Variants in EXOSC5 observed in about 807,000 individuals in gnomAD.
EXOSC5 encodes the protein exosome component 5.
A neutral mutation model predicts 23.7 loss-of-function variants in EXOSC5; 15 were observed. That is an observed-to-expected ratio of 0.63 (90% CI 0.42 to 0.97). EXOSC5 has a LOEUF of 0.97. EXOSC5 is among the 50% of genes least tolerant of loss of function. EXOSC5 has a pLI of 0.00. For synonymous variants in EXOSC5, 143 were observed against 140.9 expected, an observed-to-expected ratio of 1.02 and a Z score of -0.11; for missense variants, 305 against 316.3, an observed-to-expected ratio of 0.96 and a Z score of 0.27.
intron 1 of EXOSC5, among the ~76,000 whole-genome samples, chr19:41,395,792 A>G (rs1170158812): frequency 6.6e-6 from 1 of 151,724 alleles, no homozygotes; most frequent in African/African-American, 2.4e-5. Flanking sequence ...TTCCATCTAC[A>G]CTCACTTCGT....
rs1373728686 is a variant in EXOSC5, at chr19:41,393,478, G to A, written c.149-498C>T. Among the ~76,000 whole-genome samples the A allele has an allele frequency of 9.2e-5, 14 of 151,938 alleles. No individual in the cohort carries two copies. In the East Asian group the frequency reaches 2.7e-3, roughly 29 times the overall value. On this transcript the variant is annotated intron_variant, in intron 1 of 5. Coordinates refer to ENST00000221233, the MANE Select transcript of EXOSC5 (RefSeq NM_020158.4). ...GGGGATTTTGCCATGTTGCTCAGGC[G>A]GGTTTCGAACTCCTGGGCAACTGTA...
rs746514345 is a variant in EXOSC5, at chr19:41,386,705, C to G, written c.636G>C (p.Ala212=). ...AGACGTGTTGCGAAGCGGCCTGGGC[C>G]GCAGCCAGGCACTGCTGGAGCTGCG... ...SDTELQQCLA[A]AQAASQHVFR... The change falls in exon 6 of 6, where the codon GCG becomes GCC. Residue 212 remains alanine, a synonymous_variant. Coordinates refer to ENST00000221233, the MANE Select transcript of EXOSC5 (RefSeq NM_020158.4). 6.3e-7 allele frequency: 1 copy of G among 1,598,808 alleles called. No individual in the cohort carries two copies. The highest frequency in any genetic ancestry group is 1.7e-5 in the Admixed American group (1 of 58,020).
intron 2 of EXOSC5, among the ~76,000 whole-genome samples, chr19:41,392,634 G>A (rs892321297): frequency 6.6e-6 from 1 of 151,766 alleles, no homozygotes; most frequent in Non-Finnish European, 1.5e-5. Context: ...CAGGTTAATG[G>A]AATGAATGAG....
chr19:41,389,656 T>C lies in EXOSC5; in HGVS notation c.525+109A>G, dbSNP rs527797663. On this transcript the variant is annotated intron_variant, in intron 4 of 5. Coordinates refer to ENST00000221233, the MANE Select transcript of EXOSC5 (RefSeq NM_020158.4). ...GATGATTAGAGCAGCCCTTGCTAAG[T>C]GGGATTGAGGTGGCATGAGCCGACT... The C allele has an allele frequency of 1.1e-5, 16 of 1,444,610 alleles. No individual in the cohort carries two copies. The South Asian group carries it at 2.2e-4, about 20-fold the overall frequency. The allele number at this position is 1,444,610 out of a possible 1,614,324, so 89.5% of individuals were successfully genotyped here.
At chr19:41,392,803 AG>A (rs2039033457) in intron 2 of EXOSC5, 63 bp downstream of exon 2, 7 of 1,476,458 alleles carry the variant, frequency 4.7e-6, no homozygotes, top group Non-Finnish European at 6.6e-6. Context: ...GCTGGTAGGG[AG>A]GAGCTGGGGG....
At chr19:41,389,415 G>A (rs527947859) in intron 4 of EXOSC5, among the ~76,000 whole-genome samples, 29 of 152,050 alleles carry the variant, frequency 1.9e-4, no homozygotes, top group Admixed American at 4.6e-4. Context: ...ACAGGCGTGC[G>A]CCACCACACC....
Position 41,386,378 on chromosome 19 carries a change from A to T in EXOSC5, c.*255T>A. The T allele has an allele frequency of 2.2e-6, 1 of 457,538 alleles. No homozygotes were observed. Among genetic ancestry groups the T allele is most frequent in the Non-Finnish European group, 3.9e-6 (1 of 254,228 alleles). The allele number at this position is 457,538 out of a possible 1,614,324, so 28.3% of individuals were successfully genotyped here. A position where few individuals can be genotyped will look rare whatever the true frequency, so the allele number is the denominator to read the frequency against. On this transcript the variant is annotated 3_prime_UTR_variant, in exon 6 of 6. Transcript: ENST00000221233. ...TGGGTGCTCAACAGACATTTGTTAAAGTGAATTAATTTATTGATTCATCCA... is the reference window on the plus strand; with the variant it reads ...TGGGTGCTCAACAGACATTTGTTAATGTGAATTAATTTATTGATTCATCCA...
intron 5 of EXOSC5, among the ~76,000 whole-genome samples, chr19:41,387,001 C>T (rs2038989668): frequency 6.6e-6 from 1 of 152,194 alleles, no homozygotes; most frequent in Admixed American, 6.5e-5. Context: ...GGAGGAGGCC[C>T]CAGCTGTGCA....
chr19:41,392,240 A>G, intron 2 of EXOSC5: 2 of 466,212 alleles, frequency 4.3e-6, no homozygotes, highest in Non-Finnish European at 7.5e-6. Flanking sequence ...CCACCCTAGC[A>G]GGTCCAGTCA....
intron 3 of EXOSC5, among the ~76,000 whole-genome samples, chr19:41,390,214 A>G (rs2039013867): frequency 6.6e-6 from 1 of 152,164 alleles, no homozygotes; most frequent in Non-Finnish European, 1.5e-5. Context: ...GATTACAGGC[A>G]TGAGCCACCA....
At position 41,386,434 on chromosome 19, in the gene EXOSC5, TC is replaced by T; in HGVS notation, c.*198del. 1 of 550,328 alleles carries T rather than the reference TC, an allele frequency of 1.8e-6. No homozygotes were observed. Among genetic ancestry groups the T allele is most frequent in the Non-Finnish European group, 3.2e-6 (1 of 308,306 alleles). The allele number at this position is 550,328 out of a possible 1,614,324, so 34.1% of individuals were successfully genotyped here. A position where few individuals can be genotyped will look rare whatever the true frequency, so the allele number is the denominator to read the frequency against. ...TAAATGTGAGCTCCTTTGAATGTTA[TC>T]CTTGCTGGGGGGATCTGTGCCCCCA... On this transcript the variant is annotated 3_prime_UTR_variant, in exon 6 of 6. Coordinates refer to ENST00000221233, the MANE Select transcript of EXOSC5 (RefSeq NM_020158.4).
chr19:41,390,727 C>T (rs1455702608), intron 3 of EXOSC5, among the ~76,000 whole-genome samples: 2 of 146,342 alleles, frequency 1.4e-5, no homozygotes, highest in Non-Finnish European at 3.0e-5. Flanking sequence ...GCCTCAGTTT[C>T]CTAATGTGTT....
intron 1 of EXOSC5, among the ~76,000 whole-genome samples, chr19:41,394,806 AG>A (rs1263649690): frequency 6.6e-6 from 1 of 152,036 alleles, no homozygotes; most frequent in Non-Finnish European, 1.5e-5. Context: ...AGGCTGAGGC[AG>A]GTGGATCACA....
chr19:41,388,653 A>G (rs1183938692), intron 4 of EXOSC5, among the ~76,000 whole-genome samples: 1 of 152,162 alleles, frequency 6.6e-6, no homozygotes, highest in Non-Finnish European at 1.5e-5. Context: ...AAGTCCCTGC[A>G]TTTAACTCCC....
At chr19:41,396,354 C>T (rs1024165625) in intron 1 of EXOSC5, among the ~76,000 whole-genome samples, 7 of 152,078 alleles carry the variant, frequency 4.6e-5, no homozygotes, top group African/African-American at 1.4e-4. Flanking sequence ...GGATTACAGG[C>T]GCCCGCCACC....
intron 4 of EXOSC5, 129 bp from the exon 5 acceptor site, chr19:41,387,732 G>T: frequency 2.0e-6 from 1 of 491,038 alleles, no homozygotes; most frequent in Non-Finnish European, 3.3e-6. Context: ...CCAAGGCAGG[G>T]CACTGCTTGA....
intron 3 of EXOSC5, 51 bp downstream of exon 3, chr19:41,391,789 AG>A (rs1160438388): frequency 3.4e-6 from 5 of 1,469,364 alleles, no homozygotes; most frequent in Non-Finnish European, 4.5e-6. Flanking sequence ...ATCCGCCAGG[AG>A]GGAAGCAATC....
At chr19:41,388,393 T>C (rs983668317) in intron 4 of EXOSC5, among the ~76,000 whole-genome samples, 1 of 152,222 alleles carries the variant, frequency 6.6e-6, no homozygotes, top group Non-Finnish European at 1.5e-5. Context: ...CTGGTCCTCA[T>C]GGACAATGGC....
At position 41,386,705 on chromosome 19, in the gene EXOSC5, C is replaced by T. The variant is rs746514345; in HGVS notation, c.636G>A (p.Ala212=). 2.6e-5 allele frequency: 42 copies of T among 1,598,688 alleles called. No homozygotes were observed. The highest frequency in any genetic ancestry group is 2.1e-4 in the Admixed American group (12 of 58,000). ...SDTELQQCLA[A]AQAASQHVFR... ...AGACGTGTTGCGAAGCGGCCTGGGC[C>T]GCAGCCAGGCACTGCTGGAGCTGCG... The change falls in exon 6 of 6, where the codon GCG becomes GCA. Residue 212 remains alanine, a synonymous_variant. Transcript: ENST00000221233.
Sources: gnomAD v4.1 joint callset for allele counts (sites outside exome capture counted in the v4.1 genomes callset) on GRCh38, gnomAD v4.1.1 for gene constraint, MANE v1.5 for transcripts, NCBI Gene and HGNC (gene_info 2026-07-23, HGNC 2026-07-21) for gene names.